Variants in PVT1 observed in about 807,000 individuals in gnomAD.
The protein encoded by PVT1 is CXCR4/PVT1 fusion.
At chr8:128,068,125 G>A (rs1813933438) in intron 4 of PVT1, among the ~76,000 whole-genome samples, 1 of 151,854 alleles carries the variant, frequency 6.6e-6, no homozygotes, top group South Asian at 2.1e-4. Context: ...ACATTTTACA[G>A]GGATGTGTCC....
chr8:128,053,769 G>T (rs1357078534), intron 4 of PVT1, among the ~76,000 whole-genome samples: 2 of 152,212 alleles, frequency 1.3e-5, no homozygotes, highest in South Asian at 2.1e-4. Context: ...CCTGTTCTCA[G>T]CATCTGTCAG....
chr8:128,003,629 G>A (rs991447136), intron 4 of PVT1, among the ~76,000 whole-genome samples: 1 of 152,196 alleles, frequency 6.6e-6, no homozygotes, highest in African/African-American at 2.4e-5. Context: ...CATTGCGCCT[G>A]GCCTGTTGAT....
At chr8:127,835,344 G>C (rs1814897800) in intron 2 of PVT1, among the ~76,000 whole-genome samples, 1 of 150,540 alleles carries the variant, frequency 6.6e-6, no homozygotes, top group South Asian at 2.1e-4. Flanking sequence ...ATTAACACAG[G>C]AACGAAAAAC....
intron 4 of PVT1, among the ~76,000 whole-genome samples, chr8:128,015,192 C>T (rs143562458): frequency 3.9e-4 from 59 of 152,016 alleles, no homozygotes; most frequent in African/African-American, 1.3e-3. Context: ...TGGGTTCAAG[C>T]GATTCTCGTG....
chr8:127,911,545 C>G (rs73707119), intron 3 of PVT1, among the ~76,000 whole-genome samples: 6,875 of 152,302 alleles, frequency 0.045, 452 homozygotes, highest in African/African-American at 0.14. Flanking sequence ...GATGGCAGCT[C>G]TAATAAAAAC....
chr8:127,967,525 C>T (rs541097600), intron 3 of PVT1, among the ~76,000 whole-genome samples: 6 of 152,358 alleles, frequency 3.9e-5, no homozygotes, highest in East Asian at 1.9e-4. Flanking sequence ...GACAGTACCA[C>T]GAGGTCAGTA....
intron 3 of PVT1, among the ~76,000 whole-genome samples, chr8:127,941,944 C>T (rs942933668): frequency 3.3e-5 from 5 of 151,944 alleles, no homozygotes; most frequent in African/African-American, 4.8e-5. Flanking sequence ...TTGGCTTCCT[C>T]GGGGCCCTTG....
intron 4 of PVT1, among the ~76,000 whole-genome samples, chr8:128,020,979 A>G (rs1817426308): frequency 1.3e-5 from 2 of 152,126 alleles, no homozygotes; most frequent in African/African-American, 4.8e-5. Flanking sequence ...ACCTGCCTAT[A>G]GTCACCGCTT....
chr8:128,007,641 CA>C (rs1419255991), intron 4 of PVT1, among the ~76,000 whole-genome samples: 1 of 152,176 alleles, frequency 6.6e-6, no homozygotes, highest in Non-Finnish European at 1.5e-5. Flanking sequence ...TGTTAACAGA[CA>C]TTTCTGGGAA....
At chr8:127,978,392 T>C (rs1218434503) in intron 3 of PVT1, among the ~76,000 whole-genome samples, 1 of 152,070 alleles carries the variant, frequency 6.6e-6, no homozygotes. Flanking sequence ...ATTCCTGGCT[T>C]CAAGTGGTCC....
intron 4 of PVT1, among the ~76,000 whole-genome samples, chr8:128,056,444 T>G (rs891551734): frequency 6.6e-6 from 1 of 152,240 alleles, no homozygotes; most frequent in African/African-American, 2.4e-5. Context: ...ATTGCGTGTA[T>G]ACATAAAATT....
chr8:127,826,746 G>A (rs149823570), intron 2 of PVT1, among the ~76,000 whole-genome samples: 1 of 152,266 alleles, frequency 6.6e-6, no homozygotes, highest in African/African-American at 2.4e-5. Context: ...AGCCTTGACT[G>A]TATGACTTTT....
At chr8:127,922,723 A>C (rs1816077475) in intron 3 of PVT1, among the ~76,000 whole-genome samples, 1 of 152,220 alleles carries the variant, frequency 6.6e-6, no homozygotes, top group African/African-American at 2.4e-5. Context: ...GGCTTAGGCG[A>C]GGTCCTGCAG....
At chr8:127,958,871 A>G (rs548436516) in intron 3 of PVT1, among the ~76,000 whole-genome samples, 13 of 152,294 alleles carry the variant, frequency 8.5e-5, no homozygotes, top group East Asian at 3.9e-4. Context: ...TTCTAAGCAC[A>G]TGTCATATTT....
intron 2 of PVT1, among the ~76,000 whole-genome samples, chr8:127,807,526 T>C (rs1814541380): frequency 6.6e-6 from 1 of 151,890 alleles, no homozygotes; most frequent in Admixed American, 6.6e-5. Flanking sequence ...TCTCACTATA[T>C]TGCCCAGGCT....
At chr8:127,865,344 AG>A (rs1023536394) in intron 2 of PVT1, among the ~76,000 whole-genome samples, 5 of 152,144 alleles carry the variant, frequency 3.3e-5, no homozygotes, top group African/African-American at 1.2e-4. Context: ...TCCCCCAAAG[AG>A]GTTCACATCC....
At chr8:128,047,815 A>C (rs1024269247) in intron 4 of PVT1, among the ~76,000 whole-genome samples, 2 of 152,076 alleles carry the variant, frequency 1.3e-5, no homozygotes, top group African/African-American at 4.8e-5. Context: ...AACTCAACTT[A>C]GCCATTCCAC....
chr8:127,928,012 C>T (rs1304683139), intron 3 of PVT1, among the ~76,000 whole-genome samples: 1 of 152,196 alleles, frequency 6.6e-6, no homozygotes, highest in Non-Finnish European at 1.5e-5. Flanking sequence ...GAGGGGCCAT[C>T]TCCCACTACC....
intron 2 of PVT1, among the ~76,000 whole-genome samples, chr8:127,860,826 G>T (rs1815218882): frequency 6.6e-6 from 1 of 151,564 alleles, no homozygotes; most frequent in African/African-American, 2.4e-5. Flanking sequence ...TGTCTCCTGT[G>T]GAGTTTAGCA....
Sources: gnomAD v4.1 joint callset for allele counts (sites outside exome capture counted in the v4.1 genomes callset) on GRCh38, gnomAD v4.1.1 for gene constraint, MANE v1.5 for transcripts, NCBI Gene and HGNC (gene_info 2026-07-23, HGNC 2026-07-21) for gene names.